Variants in DOK6 observed in about 807,000 individuals in gnomAD.
The protein encoded by DOK6 is downstream of tyrosine kinase 6.
Under a neutral mutation model 44.0 loss-of-function variants are expected in DOK6, and 22 were observed. That is an observed-to-expected ratio of 0.50 (90% CI 0.36 to 0.71). The LOEUF is 0.71. DOK6 is among the 30% of genes least tolerant of loss of function. DOK6 has a pLI of 0.00. For missense variants in DOK6, 340 were observed against 416.4 expected, an observed-to-expected ratio of 0.82 and a Z score of 1.60; for synonymous variants, 166 against 145.5, an observed-to-expected ratio of 1.14 and a Z score of -1.01.
intron 1 of DOK6, among the ~76,000 whole-genome samples, chr18:69,552,498 A>G (rs1207834460): frequency 2.0e-5 from 3 of 152,348 alleles, no homozygotes; most frequent in East Asian, 1.9e-4. Context: ...ACATAAATAC[A>G]TCCATAAGTT....
intron 2 of DOK6, among the ~76,000 whole-genome samples, chr18:69,564,883 A>G (rs1982931690): frequency 6.6e-6 from 1 of 152,150 alleles, no homozygotes; most frequent in African/African-American, 2.4e-5. Context: ...TTTTCTCTCT[A>G]TTGAGGTTAA....
chr18:69,401,183 G>A lies in DOK6; in HGVS notation c.-62G>A. The A allele has an allele frequency of 3.4e-6, 5 of 1,484,516 alleles. No homozygotes were observed. Among genetic ancestry groups the A allele is most frequent in the Non-Finnish European group, 2.7e-6 (3 of 1,114,448 alleles). 92.0% of individuals were successfully genotyped at this position (1,484,516 alleles called of 1,614,324 possible). A position where few individuals can be genotyped will look rare whatever the true frequency, so the allele number is the denominator to read the frequency against. On this transcript the variant is annotated 5_prime_UTR_variant, in exon 1 of 8. Transcript: ENST00000382713. Reference sequence around the variant, plus strand: ...GCGAGACCCGCGCAGACCCGGCGGCGGACGGCGGCTCTCGACTCCGGAGAG... The same window carrying A: ...GCGAGACCCGCGCAGACCCGGCGGCAGACGGCGGCTCTCGACTCCGGAGAG...
chr18:69,768,948 GGTGTGCGTGT>G (rs1230441148), intron 7 of DOK6, among the ~76,000 whole-genome samples: 29 of 37,708 alleles, frequency 7.7e-4, no homozygotes, highest in African/African-American at 1.2e-3. Context: ...AGATTTGAAG[GGTGTGCGTGT>G]GTGTGTGTGT....
At chr18:69,653,528 G>A (rs1985286135) in intron 3 of DOK6, among the ~76,000 whole-genome samples, 1 of 152,032 alleles carries the variant, frequency 6.6e-6, no homozygotes, top group Admixed American at 6.6e-5. Context: ...CATGATATTG[G>A]GAGTCAAATT....
intron 7 of DOK6, among the ~76,000 whole-genome samples, chr18:69,758,540 T>C (rs1979437295): frequency 6.6e-6 from 1 of 152,128 alleles, no homozygotes; most frequent in African/African-American, 2.4e-5. Flanking sequence ...TCCTGTTCCT[T>C]CCCTTTTGTT....
intron 1 of DOK6, among the ~76,000 whole-genome samples, chr18:69,542,462 A>G (rs773916288): frequency 6.6e-6 from 1 of 151,478 alleles, no homozygotes; most frequent in Non-Finnish European, 1.5e-5. Context: ...TGATGACCAA[A>G]ATGTTGACCC....
intron 1 of DOK6, among the ~76,000 whole-genome samples, chr18:69,401,869 G>A (rs1382049833): frequency 6.6e-6 from 1 of 152,156 alleles, no homozygotes; most frequent in African/African-American, 2.4e-5. Flanking sequence ...CCTACCCGGG[G>A]ACCCGCGCCC....
chr18:69,667,993 T>G (rs1985702404), intron 3 of DOK6, among the ~76,000 whole-genome samples: 1 of 152,322 alleles, frequency 6.6e-6, no homozygotes, highest in South Asian at 2.1e-4. Flanking sequence ...AAAACTGAAC[T>G]CTTGTTATTT....
At chr18:69,728,083 A>G (rs935107568) in intron 5 of DOK6, among the ~76,000 whole-genome samples, 4 of 152,210 alleles carry the variant, frequency 2.6e-5, no homozygotes, top group Non-Finnish European at 4.4e-5. Flanking sequence ...CGCTCCACTG[A>G]AACCCCTGAT....
Position 69,405,591 on chromosome 18 carries a change from C to CAAAA in DOK6, c.66+4281_66+4282insAAAA, listed in dbSNP as rs1309674189. ...CGAAACTCTGTCTCAAAATAACTAA[C>CAAAA]TAAATAAAATAAAATAAAATAAAAT... On this transcript the variant is annotated intron_variant, in intron 1 of 7. Coordinates refer to ENST00000382713, the MANE Select transcript of DOK6 (RefSeq NM_152721.6). Among the ~76,000 whole-genome samples, 225 of 130,416 alleles carry CAAAA rather than the reference C, an allele frequency of 1.7e-3. 2 individuals are homozygous for CAAAA. Among genetic ancestry groups the CAAAA allele is most frequent in the African/African-American group, 6.5e-3 (214 of 33,142 alleles). The allele number at this position is 130,416 out of a possible 152,430, so 85.6% of individuals were successfully genotyped here. A position where few individuals can be genotyped will look rare whatever the true frequency, so the allele number is the denominator to read the frequency against.
In DOK6 at chr18:69,698,295, G is replaced by A. The variant is rs77056441; in HGVS notation, c.410-109G>A. The A allele has an allele frequency of 5.2e-3, 4,880 of 929,544 alleles. 23 individuals are homozygous for A. The highest frequency in any genetic ancestry group is 6.8e-3 in the Admixed American group (251 of 36,946). 57.6% of individuals were successfully genotyped at this position (929,544 alleles called of 1,614,324 possible). A position where few individuals can be genotyped will look rare whatever the true frequency, so the allele number is the denominator to read the frequency against. ...ATGTTTATCCATATCACCTAGGGAGGATGTGGTCATGTTTCCTGCAGTCTG... is the reference window on the plus strand; with the variant it reads ...ATGTTTATCCATATCACCTAGGGAGAATGTGGTCATGTTTCCTGCAGTCTG... On this transcript the variant is annotated intron_variant, in intron 4 of 7. Transcript: ENST00000382713.
At chr18:69,567,759 G>C (rs28375277) in intron 2 of DOK6, among the ~76,000 whole-genome samples, 47,033 of 152,108 alleles carry the variant, frequency 0.31, 7,650 homozygotes, top group East Asian at 0.56. Context: ...GGTCCGAGGG[G>C]AGTGAGTGGT....
chr18:69,707,281 A>G (rs929243170), intron 5 of DOK6, among the ~76,000 whole-genome samples: 1 of 152,238 alleles, frequency 6.6e-6, no homozygotes, highest in Admixed American at 6.5e-5. Context: ...TATAGATTCA[A>G]TGCCATCCCC....
chr18:69,746,660 A>AT (rs1325645323), intron 6 of DOK6, among the ~76,000 whole-genome samples: 3 of 152,232 alleles, frequency 2.0e-5, no homozygotes, highest in African/African-American at 7.2e-5. Flanking sequence ...TTCAATGACC[A>AT]TGTAAATATT....
At chr18:69,697,009 A>G (rs116781816) in intron 4 of DOK6, among the ~76,000 whole-genome samples, 1 of 152,240 alleles carries the variant, frequency 6.6e-6, no homozygotes, top group Admixed American at 6.5e-5. Flanking sequence ...TGGGTCAATA[A>G]TCTAAAAGAC....
chr18:69,456,083 C>T (rs991758130), intron 1 of DOK6, among the ~76,000 whole-genome samples: 1 of 152,128 alleles, frequency 6.6e-6, no homozygotes, highest in Non-Finnish European at 1.5e-5. Context: ...AGCATTCACC[C>T]ATTGTAGTCA....
intron 1 of DOK6, among the ~76,000 whole-genome samples, chr18:69,564,203 GATA>G (rs1159612848): frequency 6.6e-6 from 1 of 152,066 alleles, no homozygotes; most frequent in African/African-American, 2.4e-5. Context: ...CTAGGATGGT[GATA>G]ATAATTTATA....
chr18:69,516,907 C>T (rs1981542815), intron 1 of DOK6, among the ~76,000 whole-genome samples: 1 of 150,796 alleles, frequency 6.6e-6, no homozygotes, highest in Non-Finnish European at 1.5e-5. Context: ...GTCTTAAACT[C>T]CTAGTCTTAA....
In DOK6 at chr18:69,673,207, G is replaced by T. The variant is rs191274314; in HGVS notation, c.290-4527G>T. Among the ~76,000 whole-genome samples, 27 of 148,614 alleles carry T rather than the reference G, an allele frequency of 1.8e-4. No homozygotes were observed. The East Asian group carries it at 5.5e-3, about 30-fold the overall frequency. ...TTTTTAATTCTGCTACATAATTTTG[G>T]GCTGATAGCATATTTTCTGTGTGTA... is the stretch of plus-strand genomic sequence containing the variant. On this transcript the variant is annotated intron_variant, in intron 3 of 7. Coordinates refer to ENST00000382713, the MANE Select transcript of DOK6 (RefSeq NM_152721.6).
Sources: allele counts gnomAD v4.1 joint callset (sites outside exome capture counted in the v4.1 genomes callset), GRCh38; gene constraint gnomAD v4.1.1; transcripts MANE v1.5; gene names NCBI Gene and HGNC (gene_info 2026-07-23, HGNC 2026-07-21).